The following CLEC2D variants were observed in gnomAD, a reference collection of about 807,000 sequenced individuals.
CLEC2D encodes C-type lectin related f.
Under a neutral mutation model 20.0 loss-of-function variants are expected in CLEC2D, and 16 were observed. That is an observed-to-expected ratio of 0.80 (90% CI 0.54 to 1.22). The LOEUF is 1.22. Ranked by LOEUF, CLEC2D falls within the 50% of genes most tolerant of loss-of-function variation. The probability of loss-of-function intolerance (pLI) is 0.00; values close to 1 mark genes in which losing one functional copy is unlikely to be tolerated. For synonymous variants in CLEC2D, 77 were observed against 71.1 expected (o/e 1.08, Z -0.42); for missense variants, 207 against 221.5 (o/e 0.93, Z 0.42).
At chr12:9,673,597 G>A (rs1446451005) in intron 1 of CLEC2D, among the ~76,000 whole-genome samples, 1 of 152,224 alleles carries the variant, frequency 6.6e-6, no homozygotes, top group African/African-American at 2.4e-5. Context: ...GTGCTGTGCT[G>A]GGGGAATCCC....
At chr12:9,671,243 A>G (rs1432608842) in intron 1 of CLEC2D, among the ~76,000 whole-genome samples, 1 of 151,944 alleles carries the variant, frequency 6.6e-6, no homozygotes, top group African/African-American at 2.4e-5. Flanking sequence ...TCTTTTTTTG[A>G]GGTGGAGTCT....
rs184608566 is a variant in CLEC2D, at chr12:9,692,128, G to T, written c.358-700G>T. 1.7e-3 allele frequency among the ~76,000 whole-genome samples: 257 copies of T among 148,684 alleles called. 8 individuals are homozygous for T. In the East Asian group the frequency reaches 0.042, roughly 24 times the overall value. On this transcript the variant is annotated intron_variant, in intron 3 of 4. Transcript: ENST00000290855. ...TTCTTTCTTTCTTTCTCTTTCTTTC[G>T]TTCGTTCGTTCGTTCGTTTCTTTTT...
chr12:9,674,963 A>G (rs1865492947), intron 1 of CLEC2D, among the ~76,000 whole-genome samples: 1 of 152,076 alleles, frequency 6.6e-6, no homozygotes, highest in Non-Finnish European at 1.5e-5. Context: ...TAGGACTATG[A>G]TACATTTTGA....
intron 3 of CLEC2D, among the ~76,000 whole-genome samples, chr12:9,689,383 TAA>T (rs747279819): frequency 2.6e-5 from 4 of 152,022 alleles, no homozygotes; most frequent in Non-Finnish European, 5.9e-5. Context: ...GCAAAATAAT[TAA>T]GTTACCAGAG....
intron 1 of CLEC2D, 83 bp from the exon 2 acceptor site, chr12:9,680,840 A>C: frequency 1.4e-6 from 1 of 699,100 alleles, no homozygotes; most frequent in Non-Finnish European, 2.5e-6. Context: ...AATTAAATAA[A>C]AATAACATTT....
Position 9,677,776 on chromosome 12 carries a change from G to A in CLEC2D, c.62-3147G>A, listed in dbSNP as rs147008387. On this transcript the variant is annotated intron_variant, in intron 1 of 4. Coordinates refer to ENST00000290855, the MANE Select transcript of CLEC2D (RefSeq NM_013269.6). ...GTCTCGCTCTGTCACCCAGACTGGAGTGCAGTAATGCAATCTCATCTCATT... is the reference window on the plus strand; with the variant it reads ...GTCTCGCTCTGTCACCCAGACTGGAATGCAGTAATGCAATCTCATCTCATT... Among the ~76,000 whole-genome samples, 29 of 148,556 alleles carry A rather than the reference G, an allele frequency of 2.0e-4. No homozygotes were observed. In the East Asian group the frequency reaches 5.8e-3, roughly 30 times the overall value.
intron 3 of CLEC2D, among the ~76,000 whole-genome samples, chr12:9,689,420 G>A (rs1425776160): frequency 6.6e-6 from 1 of 152,078 alleles, no homozygotes; most frequent in Non-Finnish European, 1.5e-5. Context: ...TATTCATAAT[G>A]TCCAGTTCTC....
chr12:9,675,337 A>G (rs1472377986), intron 1 of CLEC2D, among the ~76,000 whole-genome samples: 7 of 151,958 alleles, frequency 4.6e-5, no homozygotes, highest in Non-Finnish European at 8.8e-5. Context: ...CTGGGACTAC[A>G]GACACCTGCC....
At chr12:9,677,359 C>T (rs960830195) in intron 1 of CLEC2D, among the ~76,000 whole-genome samples, 11 of 152,042 alleles carry the variant, frequency 7.2e-5, no homozygotes, top group Non-Finnish European at 1.2e-4. Context: ...GTGATTTCTT[C>T]CTTGACCCAT....
chr12:9,670,329 G>A (rs1349123334), intron 1 of CLEC2D, among the ~76,000 whole-genome samples: 1 of 152,090 alleles, frequency 6.6e-6, no homozygotes, highest in Non-Finnish European at 1.5e-5. Context: ...TGAAAAAAAT[G>A]ACTTTTGCCA....
chr12:9,698,216 T>C lies in CLEC2D; in HGVS notation c.*3342T>C, dbSNP rs1472889110. 2.0e-5 allele frequency: 3 copies of C among 152,218 alleles called. No individual in the cohort carries two copies. Among genetic ancestry groups the C allele is most frequent in the African/African-American group, 7.2e-5 (3 of 41,460 alleles). 9.4% of individuals were successfully genotyped at this position (152,218 alleles called of 1,614,324 possible). ...AACATTTCATCATCTCACATACTTATCATTTTCTGTGGTGAGAACATTTGA... is the reference window on the plus strand; with the variant it reads ...AACATTTCATCATCTCACATACTTACCATTTTCTGTGGTGAGAACATTTGA... On this transcript the variant is annotated 3_prime_UTR_variant, in exon 5 of 5. Transcript: ENST00000290855.
rs61422237 is a variant in CLEC2D, at chr12:9,695,855, CTGA to C, written c.*997_*999del. 10,850 of 988,236 alleles carry C rather than the reference CTGA, an allele frequency of 0.011. 114 individuals carry two copies. The highest frequency in any genetic ancestry group is 0.035 in the Middle Eastern group (115 of 3,324). 61.2% of individuals were successfully genotyped at this position (988,236 alleles called of 1,614,324 possible). On this transcript the variant is annotated 3_prime_UTR_variant, in exon 5 of 5. Coordinates refer to ENST00000290855, the MANE Select transcript of CLEC2D (RefSeq NM_013269.6). ...AAAAAAGTAAAACTTGCTGCTGCTG[CTGA>C]TGATGATGATGATGAAGATGATGAT...
At chr12:9,693,160 C>T (rs769620489) in intron 4 of CLEC2D, 2 of 1,305,602 alleles carry the variant, frequency 1.5e-6, no homozygotes, top group South Asian at 2.4e-5. Flanking sequence ...TTATCTATGT[C>T]ATTTTCAAAC....
In CLEC2D at chr12:9,695,690, A is replaced by C. The variant is rs1865968859; in HGVS notation, c.*816A>C. The C allele has an allele frequency of 6.4e-6, 10 of 1,571,772 alleles. No homozygotes were observed. Among genetic ancestry groups the C allele is most frequent in the Non-Finnish European group, 7.8e-6 (9 of 1,151,840 alleles). On this transcript the variant is annotated 3_prime_UTR_variant, in exon 5 of 5. Transcript: ENST00000290855. Reference sequence around the variant, plus strand: ...ACACCACCAGTGGACTTAAGGTTGAAGTGTGGTTCAGGGCCAGTGCATATT... The same window carrying C: ...ACACCACCAGTGGACTTAAGGTTGACGTGTGGTTCAGGGCCAGTGCATATT...
rs1051931886 is a variant in CLEC2D at position 9,698,437 on chromosome 12, T to C, written c.*3563T>C. 6 of 152,264 alleles carry C rather than the reference T, an allele frequency of 3.9e-5. No individual in the cohort carries two copies. Among genetic ancestry groups the C allele is most frequent in the South Asian group, 2.1e-4 (1 of 4,826 alleles). The allele number at this position is 152,264 out of a possible 1,614,324, so 9.4% of individuals were successfully genotyped here. On this transcript the variant is annotated 3_prime_UTR_variant, in exon 5 of 5. Transcript: ENST00000290855. Reference sequence around the variant, plus strand: ...ACAATGGGGAAAAAATAGTCTTCAATGAATGGTGGTGGGAAAATTGTATAT... The same window carrying C: ...ACAATGGGGAAAAAATAGTCTTCAACGAATGGTGGTGGGAAAATTGTATAT...
rs76121896 is a variant in CLEC2D, at chr12:9,671,928, T to C, written c.61+2133T>C. Among the ~76,000 whole-genome samples, 188 of 152,370 alleles carry C rather than the reference T, an allele frequency of 1.2e-3. 3 individuals carry two copies. In the East Asian group the frequency reaches 0.028, roughly 23 times the overall value. On this transcript the variant is annotated intron_variant, in intron 1 of 4. Transcript: ENST00000290855. Reference sequence around the variant, plus strand: ...AAAGACCATATTTTTAGAGCCATTTTGGGATCACAGCAAAATTGTGAGAAA... The same window carrying C: ...AAAGACCATATTTTTAGAGCCATTTCGGGATCACAGCAAAATTGTGAGAAA...
At chr12:9,689,738 C>T (rs1865824507) in intron 3 of CLEC2D, among the ~76,000 whole-genome samples, 2 of 151,818 alleles carry the variant, frequency 1.3e-5, no homozygotes, top group Admixed American at 6.6e-5. Context: ...TTTAAAAACT[C>T]AATGAAGAAG....
chr12:9,675,473 C>A (rs970734355), intron 1 of CLEC2D, among the ~76,000 whole-genome samples: 2 of 152,198 alleles, frequency 1.3e-5, no homozygotes, highest in East Asian at 1.9e-4. Flanking sequence ...GGATTACAGG[C>A]GTGAGCCACC....
chr12:9,692,773 G>T, intron 3 of CLEC2D, 55 bp from the exon 4 acceptor site: 2 of 1,193,100 alleles, frequency 1.7e-6, no homozygotes, highest in African/African-American at 1.5e-5. Flanking sequence ...CAACATTTCT[G>T]GGAGAGGATG....
Sources: gnomAD v4.1 joint callset for allele counts (sites outside exome capture counted in the v4.1 genomes callset) on GRCh38, gnomAD v4.1.1 for gene constraint, MANE v1.5 for transcripts, NCBI Gene and HGNC (gene_info 2026-07-23, HGNC 2026-07-21) for gene names.